RGS12: variants seen among roughly 807,000 people sequenced by gnomAD.
RGS12 encodes regulator of G protein signaling 12.
Under a neutral mutation model 120.1 loss-of-function variants are expected in RGS12, and 66 were observed. The observed-to-expected ratio is 0.55, with a 90% CI of 0.45 to 0.67. The LOEUF (loss-of-function observed/expected upper bound fraction) is 0.67, where lower values mean the gene tolerates loss of function less well. Ranked by LOEUF, RGS12 falls within the 30% of genes least tolerant of loss-of-function variation. RGS12 has a pLI of 0.00. For synonymous variants in RGS12, 827 were observed against 804.7 expected (o/e 1.03, Z -0.47); for missense variants, 1,859 against 1,957.7 (o/e 0.95, Z 0.95).
Position 3,355,640 on chromosome 4 carries a change from C to G in RGS12, c.1998+12587C>G, listed in dbSNP as rs147804322. 4.2e-4 allele frequency among the ~76,000 whole-genome samples: 63 copies of G among 151,790 alleles called. 1 individual carries two copies. Among genetic ancestry groups the G allele is most frequent in the Middle Eastern group, 3.4e-3 (1 of 294 alleles). On this transcript the variant is annotated intron_variant, in intron 3 of 17. Coordinates refer to ENST00000336727, the MANE Select transcript of RGS12 (RefSeq NM_001394154.1). ...CTAAAACCTGTCTCTACAAAAAATA[C>G]AAAAGTTAGCCGGGTATGGTGGTAT...
chr4:3,306,302 G>A (rs2110368161), intron 1 of RGS12, among the ~76,000 whole-genome samples: 1 of 152,312 alleles, frequency 6.6e-6, no homozygotes, highest in Non-Finnish European at 1.5e-5. Flanking sequence ...CCTGGCAGTG[G>A]GCTGCTCAGA....
chr4:3,434,339 G>C (rs1237792990), intron 17 of RGS12, among the ~76,000 whole-genome samples: 2 of 152,180 alleles, frequency 1.3e-5, no homozygotes, highest in African/African-American at 4.8e-5. Context: ...GATACCGGGG[G>C]ATTATCACAA....
At chr4:3,362,473 GGT>G (rs1159990819) in intron 3 of RGS12, among the ~76,000 whole-genome samples, 7 of 130,234 alleles carry the variant, frequency 5.4e-5, no homozygotes, top group Middle Eastern at 5.3e-3. Flanking sequence ...TGTGTGTGAG[GGT>G]GTGTGTATGT....
At chr4:3,311,067 G>A (rs1724369270) in intron 1 of RGS12, among the ~76,000 whole-genome samples, 1 of 152,128 alleles carries the variant, frequency 6.6e-6, no homozygotes, top group Non-Finnish European at 1.5e-5. Context: ...TGGCCGTGGC[G>A]GCTGCCATTG....
chr4:3,316,876 G>T lies in RGS12; in HGVS notation c.706G>T (p.Gly236Cys). The T allele has an allele frequency of 6.2e-7, 1 of 1,614,136 alleles. No individual in the cohort carries two copies. Among genetic ancestry groups the T allele is most frequent in the Non-Finnish European group, 8.5e-7 (1 of 1,180,044 alleles). Residue 236 changes from glycine (G) to cysteine (C), a missense_variant, in exon 2 of 18, where the codon GGC becomes TGC. Transcript: ENST00000336727. ...CGTGGCGATGATCGTGGGCTACTTA[G>T]GCTCCATTGAGCTTCCTTCCACGAG... ...LNVAMIVGYL[G>C]SIELPSTSSN...
At chr4:3,379,093 G>A (rs1254698752) in intron 3 of RGS12, among the ~76,000 whole-genome samples, 6 of 151,816 alleles carry the variant, frequency 4.0e-5, no homozygotes, top group African/African-American at 1.5e-4. Context: ...AGGAACTCCT[G>A]CCATTTGCAA....
At chr4:3,358,464 A>G (rs1038387821) in intron 3 of RGS12, among the ~76,000 whole-genome samples, 11 of 151,304 alleles carry the variant, frequency 7.3e-5, no homozygotes, top group Admixed American at 7.2e-4. Flanking sequence ...TTTGTTGTTA[A>G]TTTTTCACTA....
At chr4:3,361,154 A>G (rs1239720199) in intron 3 of RGS12, among the ~76,000 whole-genome samples, 1 of 152,212 alleles carries the variant, frequency 6.6e-6, no homozygotes, top group Non-Finnish European at 1.5e-5. Context: ...AAGATGGCAG[A>G]TGCAAGAGAA....
intron 3 of RGS12, among the ~76,000 whole-genome samples, chr4:3,348,989 A>G (rs1714102514): frequency 6.6e-6 from 1 of 152,226 alleles, no homozygotes; most frequent in Admixed American, 6.5e-5. Flanking sequence ...AGACTAAAAT[A>G]GAAAAAAGCT....
At chr4:3,352,602 G>T (rs1714468509) in intron 3 of RGS12, among the ~76,000 whole-genome samples, 1 of 152,180 alleles carries the variant, frequency 6.6e-6, no homozygotes, top group African/African-American at 2.4e-5. Flanking sequence ...ATGGAAAAAT[G>T]AATATGATTA....
rs557604295 is a variant in RGS12, at chr4:3,317,055, G to A, written c.885G>A (p.Pro295=). Residue 295 remains proline, a synonymous_variant, in exon 2 of 18, where the codon CCG becomes CCA. Transcript: ENST00000336727. Reference sequence around the variant, plus strand: ...AGGCTGGAGTCGTGGCCGAGTACCCGGCCGAGAAGCTGGCCTTCAGCGCCG... The same window carrying A: ...AGGCTGGAGTCGTGGCCGAGTACCCAGCCGAGAAGCTGGCCTTCAGCGCCG... ...TDKAGVVAEY[P]AEKLAFSAVC... is the part of the protein sequence containing the mutation. 9 of 1,609,370 alleles carry A rather than the reference G, an allele frequency of 5.6e-6. No homozygotes were observed. The highest frequency in any genetic ancestry group is 5.3e-5 in the African/African-American group (4 of 74,870).
chr4:3,386,122 A>G (rs1718821892), intron 3 of RGS12: 3 of 456,776 alleles, frequency 6.6e-6, no homozygotes, highest in Non-Finnish European at 1.2e-5. Context: ...GAAGTTTGTG[A>G]AGTTGGTTTC....
chr4:3,286,564 C>G, the RGS12 span, among the ~76,000 whole-genome samples: 1 of 152,240 alleles, frequency 6.6e-6, no homozygotes, highest in Non-Finnish European at 1.5e-5. Flanking sequence ...CTCCCCCGGC[C>G]TCCTGGGGTG....
At chr4:3,375,832 C>G (rs1677127044) in intron 3 of RGS12, among the ~76,000 whole-genome samples, 1 of 152,258 alleles carries the variant, frequency 6.6e-6, no homozygotes, top group Non-Finnish European at 1.5e-5. Flanking sequence ...TCCAGAACCT[C>G]TCAGCACAGC....
chr4:3,340,227 C>G (rs765407712), intron 2 of RGS12, among the ~76,000 whole-genome samples: 11 of 152,140 alleles, frequency 7.2e-5, no homozygotes, highest in African/African-American at 9.7e-5. Context: ...CTGCCAGGAG[C>G]CGGGCGCTGT....
At chr4:3,308,132 C>T (rs1239346696) in intron 1 of RGS12, among the ~76,000 whole-genome samples, 2 of 152,256 alleles carry the variant, frequency 1.3e-5, no homozygotes, top group Admixed American at 6.5e-5. Flanking sequence ...GCCCGTCCAT[C>T]TGGTGCTGCT....
At chr4:3,423,037 C>G in intron 12 of RGS12, 59 bp downstream of exon 12, 1 of 1,393,244 alleles carries the variant, frequency 7.2e-7, no homozygotes, top group Non-Finnish European at 1.0e-6. Flanking sequence ...CGTGTGCCCA[C>G]CACCTGCTGG....
chr4:3,374,640 C>G lies in RGS12; in HGVS notation c.1999-11776C>G, dbSNP rs1448262633. 1.3e-5 allele frequency among the ~76,000 whole-genome samples: 2 copies of G among 151,964 alleles called. No individual in the cohort carries two copies. On this transcript the variant is annotated intron_variant, in intron 3 of 17. Transcript: ENST00000336727. This position sits in a 1 kb window ranked among gnomAD's most constrained non-coding sequence, Gnocchi z 6.3. Reference sequence around the variant, plus strand: ...TGTCCCTGTCCCTTCTGCTTGAGCCCACACCCTCTGATACTCCACGTCAGC... The same window carrying G: ...TGTCCCTGTCCCTTCTGCTTGAGCCGACACCCTCTGATACTCCACGTCAGC...
At position 3,373,016 on chromosome 4, in the gene RGS12, G is replaced by A. The variant is rs555713842; in HGVS notation, c.1999-13400G>A. Among the ~76,000 whole-genome samples the A allele has an allele frequency of 9.8e-5, 15 of 152,324 alleles. No individual in the cohort carries two copies. In the East Asian group the frequency reaches 1.5e-3, roughly 16 times the overall value. ...GAGCTGGTGCAGTCTGCGGCCCGGCGTGGCTGCGGTCACACAGAGGATGCG... is the reference window on the plus strand; with the variant it reads ...GAGCTGGTGCAGTCTGCGGCCCGGCATGGCTGCGGTCACACAGAGGATGCG... On this transcript the variant is annotated intron_variant, in intron 3 of 17. Transcript: ENST00000336727.
Sources: allele counts gnomAD v4.1 joint callset (sites outside exome capture counted in the v4.1 genomes callset), GRCh38; gene constraint gnomAD v4.1.1; non-coding constraint Gnocchi (gnomAD v3.1); transcripts MANE v1.5; gene names NCBI Gene and HGNC (gene_info 2026-07-23, HGNC 2026-07-21).